Variants in LRRTM4 observed in about 807,000 individuals in gnomAD.
The protein encoded by LRRTM4 is leucine-rich repeat transmembrane neuronal protein 4.
In LRRTM4, 25 loss-of-function variants were observed where a neutral mutation model predicts 47.6. That is an observed-to-expected ratio of 0.53 (90% confidence interval 0.38 to 0.73). The LOEUF is 0.73. Among genes scored for constraint, LRRTM4 ranks in the 30% least tolerant of loss-of-function variants. The pLI is 0.00. For missense variants in LRRTM4, 638 were observed against 713.4 expected, an observed-to-expected ratio of 0.89 and a Z score of 1.20; for synonymous variants, 311 against 269.5, an observed-to-expected ratio of 1.15 and a Z score of -1.51.
At chr2:77,388,787 TAG>T (rs1230138623) in intron 3 of LRRTM4, among the ~76,000 whole-genome samples, 2 of 152,098 alleles carry the variant, frequency 1.3e-5, no homozygotes, top group East Asian at 3.9e-4. Flanking sequence ...GAAATATATA[TAG>T]AGAGAGATAT....
chr2:77,212,288 T>C (rs1674313727), intron 3 of LRRTM4, among the ~76,000 whole-genome samples: 1 of 151,594 alleles, frequency 6.6e-6, no homozygotes, highest in African/African-American at 2.4e-5. Context: ...CACTATAGAA[T>C]TTTGGAACTA....
intron 3 of LRRTM4, among the ~76,000 whole-genome samples, chr2:77,260,440 G>T (rs1391950209): frequency 6.7e-6 from 1 of 148,822 alleles, no homozygotes. Flanking sequence ...TGCTATCAAC[G>T]AACAGTTGTG....
chr2:77,281,931 A>G (rs1439518140), intron 3 of LRRTM4, among the ~76,000 whole-genome samples: 1 of 151,882 alleles, frequency 6.6e-6, no homozygotes, highest in Admixed American at 6.6e-5. Context: ...AATCATTCAC[A>G]TTGTAGATTT....
At chr2:76,797,537 C>T (rs1315010977) in intron 3 of LRRTM4, among the ~76,000 whole-genome samples, 1 of 151,894 alleles carries the variant, frequency 6.6e-6, no homozygotes, top group Non-Finnish European at 1.5e-5. Context: ...ACCATCGAGA[C>T]TAGGAAGAAA....
intron 2 of LRRTM4, among the ~76,000 whole-genome samples, chr2:77,520,909 A>G (rs566990719): frequency 0.029 from 4,135 of 140,868 alleles, 173 homozygotes; most frequent in African/African-American, 0.12. Context: ...TAATGGAGAG[A>G]AAAAAAAAGA....
At chr2:77,499,432 C>T (rs1558771836) in intron 3 of LRRTM4, among the ~76,000 whole-genome samples, 1 of 151,784 alleles carries the variant, frequency 6.6e-6, no homozygotes, top group Non-Finnish European at 1.5e-5. Context: ...CCTGACCCTG[C>T]CCAGCTACAC....
At chr2:77,044,361 A>C (rs1164693243) in intron 3 of LRRTM4, among the ~76,000 whole-genome samples, 1 of 151,838 alleles carries the variant, frequency 6.6e-6, no homozygotes. Context: ...ACACTCTGCC[A>C]ATTACATCAA....
intron 3 of LRRTM4, among the ~76,000 whole-genome samples, chr2:77,104,655 T>C (rs1314106895): frequency 6.6e-6 from 1 of 152,126 alleles, no homozygotes. Context: ...CCGACAGACC[T>C]GAATATTGAA....
In LRRTM4 at chr2:77,141,849, A is replaced by G. The variant is rs901404018; in HGVS notation, c.1551+376469T>C. ...GTAAGGATATAAGTATCACCAATCA[A>G]CAGTTAAGAAAACAGACACTCACAG... is the stretch of plus-strand genomic sequence containing the variant. On this transcript the variant is annotated intron_variant, in intron 3 of 3. Transcript: ENST00000409884. 7.9e-5 allele frequency among the ~76,000 whole-genome samples: 12 copies of G among 152,172 alleles called. 1 individual carries two copies. Among genetic ancestry groups the G allele is most frequent in the African/African-American group, 2.2e-4 (9 of 41,446 alleles).
At chr2:76,854,789 A>T (rs1253318077) in intron 3 of LRRTM4, among the ~76,000 whole-genome samples, 1 of 150,106 alleles carries the variant, frequency 6.7e-6, no homozygotes, top group Non-Finnish European at 1.5e-5. Context: ...TACATCATTG[A>T]ATGAAGTATA....
chr2:76,771,641 GAA>G (rs748214529), intron 3 of LRRTM4, among the ~76,000 whole-genome samples: 8 of 69,682 alleles, frequency 1.1e-4, no homozygotes, highest in Admixed American at 3.3e-4. Flanking sequence ...CAGGTGAACA[GAA>G]AAAAAAAAAA....
rs59335400 is a variant in LRRTM4 at position 77,207,372 on chromosome 2, T to TATATATATATATACAC, written c.1551+310945_1551+310946insGTGTATATATATATAT. On this transcript the variant is annotated intron_variant, in intron 3 of 3. Coordinates refer to ENST00000409884, the MANE Select transcript of LRRTM4 (RefSeq NM_001134745.3). ...GTGTATATATATATATATATATATA[T>TATATATATATATACAC]ACACACACACATATTTATATACACA... Among the ~76,000 whole-genome samples the TATATATATATATACAC allele has an allele frequency of 8.6e-3, 1,123 of 130,482 alleles. 5 individuals carry two copies. The highest frequency in any genetic ancestry group is 0.016 in the African/African-American group (502 of 30,644). 85.6% of individuals were successfully genotyped at this position (130,482 alleles called of 152,430 possible).
intron 3 of LRRTM4, among the ~76,000 whole-genome samples, chr2:76,793,908 T>C (rs1169768040): frequency 6.6e-6 from 1 of 152,188 alleles, no homozygotes; most frequent in Non-Finnish European, 1.5e-5. Context: ...AGTGGGACAG[T>C]AATTGCTTCT....
intron 3 of LRRTM4, among the ~76,000 whole-genome samples, chr2:77,399,265 A>G (rs1673840658): frequency 6.6e-6 from 1 of 151,594 alleles, no homozygotes; most frequent in Admixed American, 6.6e-5. Flanking sequence ...GTTTTGAAAT[A>G]TGTATACACT....
At chr2:77,455,049 G>A (rs1293018175) in intron 3 of LRRTM4, among the ~76,000 whole-genome samples, 6 of 152,048 alleles carry the variant, frequency 3.9e-5, no homozygotes, top group Admixed American at 3.9e-4. Context: ...TTAGCCAGAT[G>A]TGGTGGCACA....
chr2:77,510,285 T>C (rs1678933266), intron 3 of LRRTM4, among the ~76,000 whole-genome samples: 1 of 152,106 alleles, frequency 6.6e-6, no homozygotes, highest in Admixed American at 6.6e-5. Context: ...ACACCTCAAA[T>C]ATTTAGATCT....
chr2:77,237,819 A>G (rs748762971), intron 3 of LRRTM4, among the ~76,000 whole-genome samples: 1 of 152,192 alleles, frequency 6.6e-6, no homozygotes, highest in Non-Finnish European at 1.5e-5. Context: ...AGGAAAAGAT[A>G]GCAAACCCTG....
intron 3 of LRRTM4, among the ~76,000 whole-genome samples, chr2:77,202,274 T>G (rs1055295742): frequency 3.9e-5 from 6 of 152,154 alleles, no homozygotes; most frequent in African/African-American, 1.4e-4. Context: ...GATGATTATA[T>G]TATCTTTATA....
intron 3 of LRRTM4, among the ~76,000 whole-genome samples, chr2:77,313,320 G>A (rs1423695375): frequency 1.4e-5 from 2 of 146,114 alleles, no homozygotes; most frequent in African/African-American, 5.0e-5. Context: ...GCTGGGATGT[G>A]CCCCCCTACC....
Sources: gnomAD v4.1 joint callset for allele counts (sites outside exome capture counted in the v4.1 genomes callset) on GRCh38, gnomAD v4.1.1 for gene constraint, MANE v1.5 for transcripts, NCBI Gene and HGNC (gene_info 2026-07-23, HGNC 2026-07-21) for gene names.